Variants in CCBE1 observed in about 807,000 individuals in gnomAD.
CCBE1 encodes collagen and calcium-binding EGF domain-containing protein 1.
CCBE1 carries 37 observed loss-of-function variants against 50.0 expected under a neutral mutation model. The observed-to-expected ratio is 0.74, with a 90% CI of 0.57 to 0.97. The LOEUF is 0.97. Among genes scored for constraint, CCBE1 ranks in the 50% least tolerant of loss-of-function variants. CCBE1 has a pLI of 0.00. For synonymous variants in CCBE1, 234 were observed against 203.7 expected (o/e 1.15, Z -1.27); for missense variants, 538 against 523.8 (o/e 1.03, Z -0.26).
chr18:59,687,197 G>A (rs2054666692), intron 2 of CCBE1, among the ~76,000 whole-genome samples: 1 of 152,232 alleles, frequency 6.6e-6, no homozygotes, highest in Admixed American at 6.5e-5. Flanking sequence ...AGTGTGGTCT[G>A]TGCTGGCTTA....
chr18:59,482,313 G>A (rs904414114), intron 2 of CCBE1, among the ~76,000 whole-genome samples: 4 of 152,234 alleles, frequency 2.6e-5, no homozygotes, highest in Non-Finnish European at 4.4e-5. Context: ...TGGAGAGGAT[G>A]TGGAGAAATA....
chr18:59,533,513 G>C (rs951258627), intron 2 of CCBE1, among the ~76,000 whole-genome samples: 2 of 152,002 alleles, frequency 1.3e-5, no homozygotes, highest in Non-Finnish European at 2.9e-5. Flanking sequence ...CTTTGACTAT[G>C]TATAACTCTT....
intron 2 of CCBE1, among the ~76,000 whole-genome samples, chr18:59,567,599 G>A (rs1006866280): frequency 9.2e-5 from 14 of 152,266 alleles, no homozygotes; most frequent in Admixed American, 5.2e-4. Flanking sequence ...CAAGTGGATC[G>A]GGTTTTAATG....
At chr18:59,458,753 C>T (rs12454021) in intron 5 of CCBE1, among the ~76,000 whole-genome samples, 7 of 152,182 alleles carry the variant, frequency 4.6e-5, no homozygotes, top group Admixed American at 3.3e-4. Flanking sequence ...AGCTATCTGT[C>T]GGCCAGGCTC....
chr18:59,546,363 T>C (rs756176035), intron 2 of CCBE1, among the ~76,000 whole-genome samples: 9 of 152,240 alleles, frequency 5.9e-5, no homozygotes, highest in Non-Finnish European at 1.3e-4. Flanking sequence ...ACCTCCTACA[T>C]TGGCTCTGGG....
Position 59,447,990 on chromosome 18 carries a change from G to T in CCBE1, c.768C>A (p.Gly256=). ...GCCCTCTTCCACACTCACCGGGAGG[G>T]CCCTGGCCCCCAGGCAGGCCAGGAG... ...PGPPGLPGGQ[G]PPGSPGPKGS... Residue 256 remains glycine, a synonymous_variant, in exon 7 of 11, where the codon GGC becomes GGA. Coordinates refer to ENST00000439986, the MANE Select transcript of CCBE1 (RefSeq NM_133459.4). 1.2e-6 allele frequency: 2 copies of T among 1,614,170 alleles called. No individual in the cohort carries two copies. Among genetic ancestry groups the T allele is most frequent in the Non-Finnish European group, 1.7e-6 (2 of 1,180,028 alleles).
intron 2 of CCBE1, among the ~76,000 whole-genome samples, chr18:59,544,192 C>T (rs1303208724): frequency 4.6e-5 from 7 of 152,100 alleles, no homozygotes; most frequent in Non-Finnish European, 1.0e-4. Context: ...ATTGTATCAG[C>T]CACATAGTAG....
chr18:59,533,175 G>A (rs187368239), intron 2 of CCBE1, among the ~76,000 whole-genome samples: 93 of 152,148 alleles, frequency 6.1e-4, no homozygotes, highest in Non-Finnish European at 8.1e-4. Context: ...AAAGTAGATC[G>A]CAACTAGAAA....
intron 6 of CCBE1, among the ~76,000 whole-genome samples, chr18:59,448,673 G>A (rs1186609026): frequency 3.3e-5 from 5 of 152,184 alleles, no homozygotes; most frequent in Non-Finnish European, 2.9e-5. Context: ...GATCACGGGA[G>A]TCAATTCTCC....
chr18:59,460,286 T>C (rs952913402), intron 5 of CCBE1, among the ~76,000 whole-genome samples: 1 of 152,218 alleles, frequency 6.6e-6, no homozygotes, highest in Admixed American at 6.5e-5. Flanking sequence ...TTGTGTTTGA[T>C]TTCAAATTCC....
intron 3 of CCBE1, among the ~76,000 whole-genome samples, chr18:59,473,683 C>A (rs1912148587): frequency 6.6e-6 from 1 of 150,380 alleles, no homozygotes; most frequent in Non-Finnish European, 1.5e-5. Flanking sequence ...CACTACTCAC[C>A]ATCCAACCCT....
intron 2 of CCBE1, among the ~76,000 whole-genome samples, chr18:59,549,935 C>T (rs1365906234): frequency 6.6e-6 from 1 of 152,152 alleles, no homozygotes; most frequent in Non-Finnish European, 1.5e-5. Context: ...GTAATTTGCC[C>T]AAGGATACAA....
Position 59,455,863 on chromosome 18 carries a change from C to A in CCBE1, c.554-912G>T, listed in dbSNP as rs142445430. 1.1e-3 allele frequency among the ~76,000 whole-genome samples: 169 copies of A among 152,360 alleles called. 2 individuals carry two copies. Among genetic ancestry groups the A allele is most frequent in the South Asian group, 9.7e-3 (47 of 4,826 alleles). Reference sequence around the variant, plus strand: ...CACCCAGGGAAGCATAAACTCTCTTCGCTTAGCAGCCCTTTGGCGTTGGGC... The same window carrying A: ...CACCCAGGGAAGCATAAACTCTCTTAGCTTAGCAGCCCTTTGGCGTTGGGC... On this transcript the variant is annotated intron_variant, in intron 5 of 10. Transcript: ENST00000439986.
chr18:59,679,534 C>T (rs1057022283), intron 2 of CCBE1, among the ~76,000 whole-genome samples: 1 of 152,084 alleles, frequency 6.6e-6, no homozygotes, highest in Non-Finnish European at 1.5e-5. Context: ...GCAGAATTTT[C>T]GTATGAGCAT....
At chr18:59,644,355 A>G (rs2054028472) in intron 2 of CCBE1, among the ~76,000 whole-genome samples, 1 of 152,142 alleles carries the variant, frequency 6.6e-6, no homozygotes, top group Non-Finnish European at 1.5e-5. Context: ...ACACAATTTG[A>G]GATACACTGG....
At chr18:59,480,566 T>C (rs8090824) in intron 2 of CCBE1, among the ~76,000 whole-genome samples, 47,569 of 151,968 alleles carry the variant, frequency 0.31, 7,958 homozygotes, top group African/African-American at 0.42. Context: ...AAAGGACCTT[T>C]AAGGGTGACC....
chr18:59,640,629 T>C (rs1339509296), intron 2 of CCBE1, among the ~76,000 whole-genome samples: 1 of 151,992 alleles, frequency 6.6e-6, no homozygotes, highest in Non-Finnish European at 1.5e-5. Context: ...AATTGACACA[T>C]GGGATCTAAT....
rs529725643 is a variant in CCBE1, at chr18:59,696,791, G to A, written c.132-82C>T. On this transcript the variant is annotated intron_variant, in intron 1 of 10. Coordinates refer to ENST00000439986, the MANE Select transcript of CCBE1 (RefSeq NM_133459.4). ...GCGCGCGCTGGGGAATCCCTGGCGC[G>A]TGGGGATCGCCAGGCTCCCCGTCCC... The A allele has an allele frequency of 6.0e-3, 8,675 of 1,443,132 alleles. 44 individuals carry two copies. Among genetic ancestry groups the A allele is most frequent in the Non-Finnish European group, 7.6e-3 (7,900 of 1,034,194 alleles). The allele number at this position is 1,443,132 out of a possible 1,614,324, so 89.4% of individuals were successfully genotyped here.
At chr18:59,664,802 A>G (rs758173512) in intron 2 of CCBE1, among the ~76,000 whole-genome samples, 43 of 152,198 alleles carry the variant, frequency 2.8e-4, no homozygotes, top group Non-Finnish European at 4.9e-4. Context: ...AAGAGATCCA[A>G]TTCATGCGAC....
Sources: allele counts gnomAD v4.1 joint callset (sites outside exome capture counted in the v4.1 genomes callset), GRCh38; gene constraint gnomAD v4.1.1; transcripts MANE v1.5; gene names NCBI Gene and HGNC (gene_info 2026-07-23, HGNC 2026-07-21).